The following PER3 variants were observed in gnomAD, a reference collection of about 807,000 sequenced individuals.
The protein encoded by PER3 is period circadian regulator 3.
In PER3, 107 loss-of-function variants were observed where a neutral mutation model predicts 127.2. The ratio of observed to expected loss-of-function variants is 0.84; its 90% confidence interval spans 0.72 to 0.99. The LOEUF is 0.99. PER3 is among the 50% of genes least tolerant of loss of function. PER3 has a pLI of 0.00. For missense variants in PER3, 1,560 were observed against 1,525.8 expected, an observed-to-expected ratio of 1.02 and a Z score of -0.37; for synonymous variants, 618 against 585.8, an observed-to-expected ratio of 1.05 and a Z score of -0.79.
rs923359594 is a variant in PER3 at position 7,808,996 on chromosome 1, C to T, written c.1240C>T (p.Gln414Ter). The T allele has an allele frequency of 4.2e-6, 6 of 1,430,414 alleles. No individual in the cohort carries two copies. Among genetic ancestry groups the T allele is most frequent in the Non-Finnish European group, 5.9e-6 (6 of 1,015,576 alleles). 88.6% of individuals were successfully genotyped at this position (1,430,414 alleles called of 1,614,324 possible). ...AGAACAAATTTACAAACTTCTCTTA[C>T]AGGTAAGGTGAGATTGTTAAAAATG... ...LQEQIYKLLL[Q>*]PVHVSVSSGY... is the part of the protein sequence containing the mutation. The change falls in exon 11 of 22, where the codon CAG (glutamine) becomes TAG (stop). Residue 414 changes from glutamine (Q) to a stop codon, truncating the protein, a stop_gained and splice_region_variant. Transcript: ENST00000377532. LOFTEE classifies it high-confidence loss of function.
At chr1:7,802,969 G>A (rs1161872280) in intron 8 of PER3, 78 bp from the exon 9 acceptor site, 10 of 830,822 alleles carry the variant, frequency 1.2e-5, no homozygotes. Context: ...CATTTAGAAT[G>A]AAATACAGAA....
At chr1:7,795,742 T>G (rs1331312142) in intron 6 of PER3, among the ~76,000 whole-genome samples, 1 of 152,228 alleles carries the variant, frequency 6.6e-6, no homozygotes, top group African/African-American at 2.4e-5. Context: ...GTTTATCACT[T>G]GCTTATTTTC....
intron 6 of PER3, 139 bp from the exon 7 acceptor site, chr1:7,798,386 G>T: frequency 3.1e-6 from 2 of 652,340 alleles, no homozygotes; most frequent in South Asian, 2.3e-5. Context: ...TCTTTCTTTT[G>T]AAAACAAACA....
At position 7,842,863 on chromosome 1, in the gene PER3, GA is replaced by G. The variant is rs1342378666; in HGVS notation, c.*109del. ...CCATGAAGTTATCATTGAATGTTAA[GA>G]TTTTTTCTTCTTGATTTTTTAATAC... On this transcript the variant is annotated 3_prime_UTR_variant, in exon 22 of 22. Coordinates refer to ENST00000377532, the MANE Select transcript of PER3 (RefSeq NM_001377275.1). 15 of 852,630 alleles carry G rather than the reference GA, an allele frequency of 1.8e-5. No individual in the cohort carries two copies. The highest frequency in any genetic ancestry group is 2.4e-5 in the Non-Finnish European group (14 of 580,652). The allele number at this position is 852,630 out of a possible 1,614,324, so 52.8% of individuals were successfully genotyped here.
intron 13 of PER3, among the ~76,000 whole-genome samples, chr1:7,811,802 T>C (rs1426225999): frequency 1.3e-5 from 2 of 152,172 alleles, no homozygotes; most frequent in Non-Finnish European, 1.5e-5. Context: ...ATTCAAACCA[T>C]AGTAGAGCCC....
intron 10 of PER3, among the ~76,000 whole-genome samples, chr1:7,807,694 A>T (rs997493472): frequency 1.3e-5 from 2 of 152,126 alleles, no homozygotes; most frequent in African/African-American, 2.4e-5. Context: ...CCGTGAGCTG[A>T]TGCAGCTGAT....
intron 21 of PER3, among the ~76,000 whole-genome samples, chr1:7,840,983 T>C (rs1191453174): frequency 1.3e-5 from 2 of 152,236 alleles, no homozygotes; most frequent in Non-Finnish European, 2.9e-5. Flanking sequence ...TCAGAGACTT[T>C]TGCTATTGGT....
chr1:7,837,942 A>G (rs2097365973), intron 21 of PER3, among the ~76,000 whole-genome samples: 1 of 152,234 alleles, frequency 6.6e-6, no homozygotes, highest in South Asian at 2.1e-4. Flanking sequence ...GCGTGCACCT[A>G]TAGTCCCAAC....
intron 19 of PER3, among the ~76,000 whole-genome samples, chr1:7,831,766 A>G (rs1323480894): frequency 6.6e-6 from 1 of 152,036 alleles, no homozygotes; most frequent in Non-Finnish European, 1.5e-5. Context: ...ATCCTTTTTT[A>G]TATGTTGTTG....
Position 7,808,939 on chromosome 1 carries a change from A to G in PER3, c.1183A>G (p.Asn395Asp). 2 of 1,602,990 alleles carry G rather than the reference A, an allele frequency of 1.2e-6. No individual in the cohort carries two copies. Among genetic ancestry groups the G allele is most frequent in the South Asian group, 1.1e-5 (1 of 90,530 alleles). The change falls in exon 11 of 22, where the codon AAC (asparagine) becomes GAC (aspartate). Residue 395 changes from asparagine (N) to aspartate (D), a missense_variant. Around this residue, in one of 3 missense-constraint regions of PER3, gnomAD observed 1,332 missense variants for 1,223.6 expected, o/e 1.09. Transcript: ENST00000377532. ...TTTTGCTACCAAAATTAAAAAGATG[A>G]ACGATAATGACAAAGACATAACAGA... ...DVFATKIKKM[N>D]DNDKDITELQ...
chr1:7,793,093 T>C (rs930071687), intron 5 of PER3, among the ~76,000 whole-genome samples: 1 of 152,238 alleles, frequency 6.6e-6, no homozygotes, highest in Non-Finnish European at 1.5e-5. Flanking sequence ...TTTGGTTGTT[T>C]TGGATTTTCA....
chr1:7,805,129 A>G (rs1271394177), intron 10 of PER3, among the ~76,000 whole-genome samples: 2 of 152,118 alleles, frequency 1.3e-5, no homozygotes, highest in Non-Finnish European at 2.9e-5. Context: ...TGGCCTCCCA[A>G]AGTGCTGGGC....
intron 16 of PER3, among the ~76,000 whole-genome samples, chr1:7,821,827 A>C (rs1446173297): frequency 2.0e-5 from 3 of 152,216 alleles, no homozygotes; most frequent in Non-Finnish European, 4.4e-5. Context: ...CTTAAAACAT[A>C]TCTCTATGTC....
At chr1:7,798,801 C>T in intron 7 of PER3, 128 bp downstream of exon 7, 1 of 691,680 alleles carries the variant, frequency 1.4e-6, no homozygotes, top group Non-Finnish European at 2.5e-6. Flanking sequence ...ACTCTTCAGG[C>T]ATTTGAAGCT....
At position 7,842,712 on chromosome 1, in the gene PER3, C is replaced by A. The variant is rs376439098; in HGVS notation, c.3590C>A (p.Ala1197Glu). ...GAAAATGAAGATTCAGCTGATGGTG[C>A]GGCCACATCCTGTGGTCAGGTTCTG... ...TCENEDSADG[A>E]ATSCGQVLVE... The change falls in exon 22 of 22, where the codon GCG becomes GAG. Residue 1197 changes from alanine (A) to glutamate (E), a missense_variant. By Grantham distance (107) the Ala-to-Glu change is moderately radical (BLOSUM62 -1). Coordinates refer to ENST00000377532, the MANE Select transcript of PER3 (RefSeq NM_001377275.1). 1 of 1,613,024 alleles carries A rather than the reference C, an allele frequency of 6.2e-7. No individual in the cohort carries two copies. The highest frequency in any genetic ancestry group is 8.5e-7 in the Non-Finnish European group (1 of 1,179,224).
chr1:7,789,143 A>ATATG lies in PER3; in HGVS notation c.592+900_592+901insGTAT, dbSNP rs201417046. Reference sequence around the variant, plus strand: ...AGTGTCTCTTAAAGAGCTTTAAAATATATATATATATATATCAGCGTTCTC... The same window carrying ATATG: ...AGTGTCTCTTAAAGAGCTTTAAAATATATGTATATATATATATATCAGCGTTCTC... On this transcript the variant is annotated intron_variant, in intron 5 of 21. Coordinates refer to ENST00000377532, the MANE Select transcript of PER3 (RefSeq NM_001377275.1). Among the ~76,000 whole-genome samples, 457 of 132,674 alleles carry ATATG rather than the reference A, an allele frequency of 3.4e-3. 5 individuals are homozygous for ATATG. The highest frequency in any genetic ancestry group is 4.4e-3 in the Non-Finnish European group (262 of 59,936). 87.0% of individuals were successfully genotyped at this position (132,674 alleles called of 152,430 possible). A position where few individuals can be genotyped will look rare whatever the true frequency, so the allele number is the denominator to read the frequency against.
At chr1:7,838,782 T>C (rs1044598274) in intron 21 of PER3, among the ~76,000 whole-genome samples, 4 of 152,238 alleles carry the variant, frequency 2.6e-5, no homozygotes, top group African/African-American at 9.6e-5. Context: ...CTCTCTTGGT[T>C]ACTATCTGCA....
chr1:7,798,865 T>C (rs228686), intron 7 of PER3, among the ~76,000 whole-genome samples, 192 bp downstream of exon 7: 147,230 of 152,326 alleles, frequency 0.97, 71,174 homozygotes, highest in East Asian at 1. Context: ...ACAGTCATTG[T>C]CTTCATGGTC....
At chr1:7,832,718 ATT>A (rs60846262) in intron 19 of PER3, among the ~76,000 whole-genome samples, 9 of 150,300 alleles carry the variant, frequency 6.0e-5, no homozygotes, top group African/African-American at 1.7e-4. Flanking sequence ...TTTGGATTTT[ATT>A]TTTTTTTTCT....
Sources: gnomAD v4.1 joint callset for allele counts (sites outside exome capture counted in the v4.1 genomes callset) on GRCh38, gnomAD v4.1.1 for gene constraint, gnomAD v4.1.1 regional missense constraint, MANE v1.5 for transcripts, NCBI Gene and HGNC (gene_info 2026-07-23, HGNC 2026-07-21) for gene names.